TAFA2: variants seen among roughly 807,000 people sequenced by gnomAD.
The protein encoded by TAFA2 is chemokine-like protein TAFA-2.
A neutral mutation model predicts 18.8 loss-of-function variants in TAFA2; 7 were observed. That is an observed-to-expected ratio of 0.37 (90% confidence interval 0.21 to 0.70). The LOEUF is 0.70. TAFA2 is among the 30% of genes least tolerant of loss of function. TAFA2 has a pLI of 0.53. For synonymous variants in TAFA2, 60 were observed against 54.2 expected (o/e 1.11, Z -0.47); for missense variants, 122 against 158.1 (o/e 0.77, Z 1.23).
chr12:61,973,442 G>C lies in TAFA2; in HGVS notation c.-1-106016C>G, dbSNP rs1555180220. On this transcript the variant is annotated intron_variant, in intron 1 of 4. Transcript: ENST00000416284. ...TTTTCATTACAACTTAGTTTATTTA[G>C]TTCTTATAATAATTCTTTAGCTCAT... 4.3e-5 allele frequency among the ~76,000 whole-genome samples: 5 copies of C among 116,974 alleles called. No individual in the cohort carries two copies. In the South Asian group the frequency reaches 1.3e-3, roughly 31 times the overall value. 76.7% of individuals were successfully genotyped at this position (116,974 alleles called of 152,430 possible).
intron 4 of TAFA2, among the ~76,000 whole-genome samples, chr12:61,739,718 G>T (rs551158841): frequency 1.1e-4 from 17 of 151,986 alleles, no homozygotes; most frequent in Non-Finnish European, 2.4e-4. Context: ...TCAACAAGTT[G>T]ATTTCATTTG....
rs567257676 is a variant in TAFA2, at chr12:61,917,933, G to T, written c.-1-50507C>A. Reference sequence around the variant, plus strand: ...GCTGTGAATCTTATGAATGTATAAAGTTCTAGAGAGGCAGTAGTGGATAGC... The same window carrying T: ...GCTGTGAATCTTATGAATGTATAAATTTCTAGAGAGGCAGTAGTGGATAGC... On this transcript the variant is annotated intron_variant, in intron 1 of 4. Transcript: ENST00000416284. Among the ~76,000 whole-genome samples, 364 of 152,250 alleles carry T rather than the reference G, an allele frequency of 2.4e-3. 4 individuals are homozygous for T. The highest frequency in any genetic ancestry group is 8.4e-3 in the African/African-American group (347 of 41,550).
intron 1 of TAFA2, chr12:61,880,858 G>C: frequency 4.8e-6 from 1 of 209,130 alleles, no homozygotes; most frequent in South Asian, 7.6e-5. Context: ...GGGAGCACAG[G>C]GAACAGGAGA....
intron 2 of TAFA2, among the ~76,000 whole-genome samples, chr12:61,790,939 A>T (rs1870951156): frequency 1.3e-5 from 2 of 151,904 alleles, no homozygotes; most frequent in Admixed American, 1.3e-4. Flanking sequence ...TAGAGGCATC[A>T]TATTACCTGA....
At chr12:61,942,008 AC>A (rs1878047066) in intron 1 of TAFA2, among the ~76,000 whole-genome samples, 1 of 151,862 alleles carries the variant, frequency 6.6e-6, no homozygotes. Context: ...CAGGGCACAG[AC>A]AAACAAAAAG....
chr12:62,143,927 G>T (rs1014662032), intron 1 of TAFA2, among the ~76,000 whole-genome samples: 1 of 151,360 alleles, frequency 6.6e-6, no homozygotes, highest in Admixed American at 6.6e-5. Context: ...ACATGCCTGT[G>T]GTCCAAGCTA....
intron 2 of TAFA2, among the ~76,000 whole-genome samples, chr12:61,762,189 A>T (rs948136927): frequency 6.6e-6 from 1 of 152,068 alleles, no homozygotes; most frequent in African/African-American, 2.4e-5. Context: ...TCTTTCTAGC[A>T]GTGTGAGAAC....
At chr12:62,150,888 CAA>C (rs879493653) in intron 1 of TAFA2, among the ~76,000 whole-genome samples, 2 of 109,318 alleles carry the variant, frequency 1.8e-5, no homozygotes, top group African/African-American at 3.5e-5. Context: ...AGACCCTGTC[CAA>C]AAAAAAAAAA....
chr12:61,969,098 T>C (rs1338193523), intron 1 of TAFA2, among the ~76,000 whole-genome samples: 3 of 151,732 alleles, frequency 2.0e-5, no homozygotes, highest in East Asian at 1.9e-4. Flanking sequence ...TCGAATACGT[T>C]GTAAGTTCTT....
Position 62,179,904 on chromosome 12 carries a change from T to C in TAFA2, c.-2+11355A>G, listed in dbSNP as rs955627098. ...ACTGCCAGTTATTCAGTCTGCTTTT[T>C]TCTCTCAGTTCACTCCGGTCTGCCA... is the stretch of plus-strand genomic sequence containing the variant. On this transcript the variant is annotated intron_variant, in intron 1 of 4. Transcript: ENST00000416284. Among the ~76,000 whole-genome samples, 4 of 152,226 alleles carry C rather than the reference T, an allele frequency of 2.6e-5. No homozygotes were observed. In the East Asian group the frequency reaches 7.7e-4, roughly 29 times the overall value.
rs139117888 is a variant in TAFA2 at position 62,121,054 on chromosome 12, A to G, written c.-2+70205T>C. Among the ~76,000 whole-genome samples, 1,076 of 151,958 alleles carry G rather than the reference A, an allele frequency of 7.1e-3. 3 individuals carry two copies. The highest frequency in any genetic ancestry group is 9.3e-3 in the Non-Finnish European group (629 of 67,948). On this transcript the variant is annotated intron_variant, in intron 1 of 4. Transcript: ENST00000416284. Reference sequence around the variant, plus strand: ...TTTTTAGTAGAGACGGGGTTTCTCCATGTTGGTCAGGCTGGTCTCAAACTC... The same window carrying G: ...TTTTTAGTAGAGACGGGGTTTCTCCGTGTTGGTCAGGCTGGTCTCAAACTC...
intron 2 of TAFA2, among the ~76,000 whole-genome samples, chr12:61,864,965 T>A (rs964711940): frequency 6.6e-6 from 1 of 152,104 alleles, no homozygotes; most frequent in African/African-American, 2.4e-5. Context: ...GAAAGTGAAC[T>A]GGCCTGCCTT....
In TAFA2 at chr12:61,961,585, A is replaced by G. The variant is rs183495035; in HGVS notation, c.-1-94159T>C. On this transcript the variant is annotated intron_variant, in intron 1 of 4. Coordinates refer to ENST00000416284, the MANE Select transcript of TAFA2 (RefSeq NM_178539.5). ...TCTTTCTCCCCTTATTTTAAGATTA[A>G]GAAGCTATAGCTTAAAGAGGATAAG... is the stretch of plus-strand genomic sequence containing the variant. Among the ~76,000 whole-genome samples the G allele has an allele frequency of 2.9e-3, 436 of 152,112 alleles. 5 individuals are homozygous for G. The highest frequency in any genetic ancestry group is 0.016 in the East Asian group (82 of 5,160).
At chr12:61,744,891 A>C (rs1225375462) in intron 4 of TAFA2, among the ~76,000 whole-genome samples, 2 of 152,082 alleles carry the variant, frequency 1.3e-5, no homozygotes, top group African/African-American at 4.8e-5. Flanking sequence ...CACCTAGCTT[A>C]GTGTCCTGTC....
At position 61,817,592 on chromosome 12, in the gene TAFA2, T is replaced by C. The variant is rs562542488; in HGVS notation, c.106+49728A>G. Among the ~76,000 whole-genome samples, 3 of 152,286 alleles carry C rather than the reference T, an allele frequency of 2.0e-5. No homozygotes were observed. In the East Asian group the frequency reaches 5.8e-4, roughly 29 times the overall value. On this transcript the variant is annotated intron_variant, in intron 2 of 4. Transcript: ENST00000416284. ...ACTCCAAAGGTTATCTTAAAGTTAGTGTTTTAAAGAGGTTCTTTTTGTGTT... is the reference window on the plus strand; with the variant it reads ...ACTCCAAAGGTTATCTTAAAGTTAGCGTTTTAAAGAGGTTCTTTTTGTGTT...
chr12:62,010,585 G>A (rs569558827), intron 1 of TAFA2, among the ~76,000 whole-genome samples: 35 of 152,304 alleles, frequency 2.3e-4, no homozygotes, highest in Admixed American at 1.1e-3. Flanking sequence ...CACCCCGTCT[G>A]GGAAGTGGAG....
intron 1 of TAFA2, among the ~76,000 whole-genome samples, chr12:62,236,948 T>G (rs1285997042): frequency 1.3e-5 from 2 of 152,236 alleles, no homozygotes; most frequent in Non-Finnish European, 2.9e-5. Flanking sequence ...TGAATCTGTT[T>G]GGTGATATGT....
At chr12:61,969,075 C>A (rs978572138) in intron 1 of TAFA2, among the ~76,000 whole-genome samples, 1 of 151,664 alleles carries the variant, frequency 6.6e-6, no homozygotes, top group Non-Finnish European at 1.5e-5. Context: ...AGCAAGTGTT[C>A]TGTTTTTCCC....
intron 1 of TAFA2, among the ~76,000 whole-genome samples, chr12:62,166,893 C>G (rs978082158): frequency 2.6e-5 from 4 of 152,128 alleles, no homozygotes; most frequent in African/African-American, 9.7e-5. Context: ...AACCTTTGAT[C>G]TCTATTCAAA....
Sources: allele counts gnomAD v4.1 joint callset (sites outside exome capture counted in the v4.1 genomes callset), GRCh38; gene constraint gnomAD v4.1.1; transcripts MANE v1.5; gene names NCBI Gene and HGNC (gene_info 2026-07-23, HGNC 2026-07-21).